ZNF831: variants seen among roughly 807,000 people sequenced by gnomAD.
ZNF831 encodes the protein chromosome 20 open reading frame 174.
Under a neutral mutation model 95.8 loss-of-function variants are expected in ZNF831, and 59 were observed. That is an observed-to-expected ratio of 0.62 (90% CI 0.50 to 0.77). ZNF831 has a LOEUF of 0.77. ZNF831 is among the 30% of genes least tolerant of loss of function. The probability of loss-of-function intolerance (pLI) is 0.00; values close to 1 mark genes in which losing one functional copy is unlikely to be tolerated. For missense variants in ZNF831, 2,205 were observed against 2,164.0 expected, an observed-to-expected ratio of 1.02 and a Z score of -0.38; for synonymous variants, 961 against 925.5, an observed-to-expected ratio of 1.04 and a Z score of -0.70.
At chr20:59,157,270 C>T (rs947487199) in intron 2 of ZNF831, among the ~76,000 whole-genome samples, 2 of 152,116 alleles carry the variant, frequency 1.3e-5, no homozygotes, top group Admixed American at 6.5e-5. Flanking sequence ...TTACCTCCCA[C>T]AAATGAGCGA....
chr20:59,240,664 T>C (rs1402541481), intron 4 of ZNF831, among the ~76,000 whole-genome samples: 2 of 151,442 alleles, frequency 1.3e-5, no homozygotes, highest in Non-Finnish European at 2.9e-5. Flanking sequence ...TAGCCGGGCG[T>C]GGTGGCGGGC....
chr20:59,128,369 C>T (rs952519384), intron 1 of ZNF831, among the ~76,000 whole-genome samples: 1 of 152,212 alleles, frequency 6.6e-6, no homozygotes, highest in African/African-American at 2.4e-5. Context: ...TCCCTGCTGT[C>T]CCTCCCCAGT....
At chr20:59,155,193 A>G (rs77543692) in intron 2 of ZNF831, among the ~76,000 whole-genome samples, 13,897 of 152,118 alleles carry the variant, frequency 0.091, 745 homozygotes, top group Non-Finnish European at 0.12. Context: ...ATTGTTTCCC[A>G]GTTATCTTGA....
At chr20:59,244,129 C>A (rs536275764) in intron 4 of ZNF831, among the ~76,000 whole-genome samples, 5 of 151,522 alleles carry the variant, frequency 3.3e-5, no homozygotes, top group Non-Finnish European at 7.4e-5. Flanking sequence ...GATTGCCTTT[C>A]ATCAAAGAAA....
At chr20:59,163,018 TG>T (rs1568732560), upstream of ZNF831, among the ~76,000 whole-genome samples, 1,266 of 136,144 alleles carry the variant, frequency 9.3e-3, 14 homozygotes, top group African/African-American at 0.026. Context: ...TTCCTAGGTG[TG>T]TGTGTGTGTG....
At chr20:59,141,124 T>A (rs778343710) in intron 1 of ZNF831, among the ~76,000 whole-genome samples, 81 of 152,354 alleles carry the variant, frequency 5.3e-4, no homozygotes, top group Non-Finnish European at 8.8e-4. Context: ...GGTCTTGAAC[T>A]CCTGACCTCA....
At chr20:59,244,663 C>T (rs966550320) in intron 4 of ZNF831, among the ~76,000 whole-genome samples, 3 of 152,352 alleles carry the variant, frequency 2.0e-5, no homozygotes, top group Admixed American at 6.5e-5. Context: ...CTACATCTTT[C>T]TCCACTCATA....
intron 4 of ZNF831, among the ~76,000 whole-genome samples, chr20:59,220,238 A>G (rs942931956): frequency 1.3e-5 from 2 of 152,230 alleles, no homozygotes; most frequent in Non-Finnish European, 1.5e-5. Context: ...AGGCAGGAAG[A>G]AAAATGAGGA....
chr20:59,240,607 C>T lies in ZNF831; in HGVS notation c.4028-12371C>T, dbSNP rs796613963. On this transcript the variant is annotated intron_variant, in intron 4 of 5. Transcript: ENST00000371030. ...ACGAGGTCAGGAGATGGAGACCATC[C>T]TGGCTAACACGGTGAAACCCCGTCT... Among the ~76,000 whole-genome samples the T allele has an allele frequency of 5.4e-3, 819 of 151,840 alleles. 22 individuals are homozygous for T. The East Asian group carries it at 0.061, about 11-fold the overall frequency.
chr20:59,246,889 G>A (rs892720279), intron 4 of ZNF831, among the ~76,000 whole-genome samples: 34 of 152,260 alleles, frequency 2.2e-4, no homozygotes, highest in African/African-American at 7.2e-4. Flanking sequence ...AGCTGAAGTC[G>A]GAGCTGCTTC....
intron 2 of ZNF831, among the ~76,000 whole-genome samples, chr20:59,158,235 G>A (rs914014646): frequency 5.9e-5 from 9 of 152,196 alleles, no homozygotes; most frequent in Admixed American, 2.0e-4. Flanking sequence ...GGGGAGCATT[G>A]GGCACTGAGA....
chr20:59,208,391 T>C lies in ZNF831; in HGVS notation c.4027+1335T>C, dbSNP rs1043630116. On this transcript the variant is annotated intron_variant, in intron 4 of 5. Coordinates refer to ENST00000371030, the MANE Select transcript of ZNF831 (RefSeq NM_178457.3). This position sits in a 1 kb window ranked among gnomAD's most constrained non-coding sequence, Gnocchi z 4.2. ...CCCCCATGCAAAGGCCAGGGGACCATGCAACTCTCTGCTTTCTCGTTGGGC... is the reference window on the plus strand; with the variant it reads ...CCCCCATGCAAAGGCCAGGGGACCACGCAACTCTCTGCTTTCTCGTTGGGC... Among the ~76,000 whole-genome samples, 3 of 152,108 alleles carry C rather than the reference T, an allele frequency of 2.0e-5. No homozygotes were observed. Among genetic ancestry groups the C allele is most frequent in the East Asian group, 1.9e-4 (1 of 5,176 alleles).
chr20:59,214,090 C>T (rs996635618), intron 4 of ZNF831, among the ~76,000 whole-genome samples: 12 of 152,114 alleles, frequency 7.9e-5, no homozygotes, highest in Non-Finnish European at 1.5e-4. Flanking sequence ...GCACAATATG[C>T]GTGAGGACTG....
At chr20:59,237,563 T>C (rs1333078481) in intron 4 of ZNF831, among the ~76,000 whole-genome samples, 6 of 152,182 alleles carry the variant, frequency 3.9e-5, no homozygotes, top group Non-Finnish European at 2.9e-5. Flanking sequence ...GCCAGGCTGG[T>C]CTCGAGCTCT....
At chr20:59,189,858 G>A (rs1371263733) in intron 1 of ZNF831, among the ~76,000 whole-genome samples, 2 of 152,184 alleles carry the variant, frequency 1.3e-5, no homozygotes, top group South Asian at 2.1e-4. Context: ...TACTGCTAAC[G>A]GCTGGAATGT....
chr20:59,185,170 T>A (rs1040101971), intron 1 of ZNF831, among the ~76,000 whole-genome samples: 3 of 152,106 alleles, frequency 2.0e-5, no homozygotes, highest in African/African-American at 7.2e-5. Flanking sequence ...GGACTTGCCA[T>A]CTCCTTGATT....
At chr20:59,221,496 C>T (rs1449792742) in intron 4 of ZNF831, among the ~76,000 whole-genome samples, 1 of 152,212 alleles carries the variant, frequency 6.6e-6, no homozygotes, top group Non-Finnish European at 1.5e-5. Flanking sequence ...TGGCAGGGAG[C>T]ATGGGGAATC....
At chr20:59,164,295 TCTTCAAGC>T (rs1981081100) in intron 1 of ZNF831, among the ~76,000 whole-genome samples, 88 bp downstream of exon 1, 1 of 152,236 alleles carries the variant, frequency 6.6e-6, no homozygotes, top group African/African-American at 2.4e-5. Context: ...GATATATTTA[TCTTCAAGC>T]ACGCAGTTAA....
rs116197371 is a variant in ZNF831, at chr20:59,177,682, C to T, written c.-36-13302C>T. ...TTGCACTCTTCCCTCACTGGCTGGA[C>T]GAGGACGGTCTCTCCTGGGATTGCT... On this transcript the variant is annotated intron_variant, in intron 1 of 5. Transcript: ENST00000371030. 4.9e-3 allele frequency among the ~76,000 whole-genome samples: 753 copies of T among 152,292 alleles called. 8 individuals are homozygous for T. Among genetic ancestry groups the T allele is most frequent in the African/African-American group, 0.017 (701 of 41,562 alleles).
Sources: allele counts gnomAD v4.1 joint callset (sites outside exome capture counted in the v4.1 genomes callset), GRCh38; gene constraint gnomAD v4.1.1; non-coding constraint Gnocchi (gnomAD v3.1); transcripts MANE v1.5; gene names NCBI Gene and HGNC (gene_info 2026-07-23, HGNC 2026-07-21).